DTWD2: variants seen among roughly 807,000 people sequenced by gnomAD.
DTWD2 encodes the protein DTW motif tRNA-uridine aminocarboxypropyltransferase 2, also known as tRNA-uridine aminocarboxypropyltransferase 2.
DTWD2 carries 39 observed loss-of-function variants against 31.8 expected under a neutral mutation model. That is an observed-to-expected ratio of 1.22 (90% CI 0.95 to 1.60). The LOEUF is 1.60. DTWD2 is among the 40% of genes most tolerant of loss of function. DTWD2 has a pLI of 0.00. For missense variants in DTWD2, 515 were observed against 381.5 expected, an observed-to-expected ratio of 1.35 and a Z score of -2.92; for synonymous variants, 180 against 142.8, an observed-to-expected ratio of 1.26 and a Z score of -1.86.
At chr5:118,863,703 G>C (rs1166654492) in intron 4 of DTWD2, among the ~76,000 whole-genome samples, 1 of 152,108 alleles carries the variant, frequency 6.6e-6, no homozygotes, top group Non-Finnish European at 1.5e-5. Context: ...AGGTAATTTT[G>C]GACATTCTCA....
chr5:118,945,912 A>G (rs1441839034), intron 1 of DTWD2, among the ~76,000 whole-genome samples: 1 of 152,210 alleles, frequency 6.6e-6, no homozygotes, highest in African/African-American at 2.4e-5. Flanking sequence ...AATAAATGTT[A>G]TATTAAAGGG....
intron 4 of DTWD2, among the ~76,000 whole-genome samples, chr5:118,873,749 C>A (rs1752561376): frequency 1.3e-5 from 2 of 152,182 alleles, no homozygotes; most frequent in African/African-American, 2.4e-5. Context: ...CTCCCACAAC[C>A]TTAGAGACAC....
intron 1 of DTWD2, among the ~76,000 whole-genome samples, chr5:118,985,490 T>TTATATCTATATATATATA (rs1554072599): frequency 1.0e-5 from 1 of 95,418 alleles, no homozygotes; most frequent in Admixed American, 1.2e-4. Context: ...ATGTGCATTT[T>TTATATCTATATATATATA]TATATATATA....
At chr5:118,929,504 T>C (rs953715491) in intron 3 of DTWD2, among the ~76,000 whole-genome samples, 1 of 150,424 alleles carries the variant, frequency 6.6e-6, no homozygotes, top group Non-Finnish European at 1.5e-5. Flanking sequence ...TTTTTTTTTG[T>C]CCACAAATTT....
chr5:118,970,093 G>A (rs888996918), intron 1 of DTWD2, among the ~76,000 whole-genome samples: 1 of 152,188 alleles, frequency 6.6e-6, no homozygotes, highest in African/African-American at 2.4e-5. Context: ...AGAGCTGTAA[G>A]ACTATCTTTC....
intron 4 of DTWD2, among the ~76,000 whole-genome samples, chr5:118,851,398 C>T (rs543914707): frequency 1.8e-4 from 27 of 151,348 alleles, no homozygotes; most frequent in African/African-American, 3.9e-4. Flanking sequence ...TCGGTAGGAC[C>T]GTGATGCCCA....
chr5:118,862,054 C>T (rs1429132510), intron 4 of DTWD2, among the ~76,000 whole-genome samples: 1 of 152,210 alleles, frequency 6.6e-6, no homozygotes, highest in African/African-American at 2.4e-5. Context: ...GGCATTACTG[C>T]CTGAGCTGTG....
At chr5:118,885,451 C>T (rs2149556896) in intron 4 of DTWD2, among the ~76,000 whole-genome samples, 1 of 117,986 alleles carries the variant, frequency 8.5e-6, no homozygotes, top group East Asian at 2.8e-4. Flanking sequence ...AGCAAGACTC[C>T]ACCTCAAAAA....
At chr5:118,966,791 A>C (rs936936562) in intron 1 of DTWD2, among the ~76,000 whole-genome samples, 1 of 152,132 alleles carries the variant, frequency 6.6e-6, no homozygotes, top group African/African-American at 2.4e-5. Context: ...GCACTTTGAG[A>C]GGCTGAGGTG....
intron 1 of DTWD2, among the ~76,000 whole-genome samples, chr5:118,948,389 G>C (rs1481714464): frequency 4.6e-5 from 7 of 152,204 alleles, no homozygotes; most frequent in Non-Finnish European, 1.5e-5. Flanking sequence ...GCTGAGGCCA[G>C]GGAATGGCAT....
In DTWD2 at chr5:118,836,602, T is replaced by C. The variant is rs1751574819; in HGVS notation, c.*4315A>G. Reference sequence around the variant, plus strand: ...TTCTCTAATATGCTTTTTAGTAGAGTACAGGAGTTGCTATGGTCTGAATAT... The same window carrying C: ...TTCTCTAATATGCTTTTTAGTAGAGCACAGGAGTTGCTATGGTCTGAATAT... On this transcript the variant is annotated 3_prime_UTR_variant, in exon 6 of 6. Transcript: ENST00000510708. Among the ~76,000 whole-genome samples, 2 of 152,192 alleles carry C rather than the reference T, an allele frequency of 1.3e-5. No individual in the cohort carries two copies. Among genetic ancestry groups the C allele is most frequent in the Non-Finnish European group, 2.9e-5 (2 of 68,024 alleles).
intron 2 of DTWD2, among the ~76,000 whole-genome samples, chr5:118,942,020 G>A (rs987463757): frequency 2.0e-5 from 3 of 152,088 alleles, no homozygotes; most frequent in African/African-American, 7.2e-5. Context: ...ACTTTTTGAT[G>A]GGGTTCTTTG....
intron 1 of DTWD2, among the ~76,000 whole-genome samples, chr5:118,956,105 A>C (rs1169941505): frequency 6.6e-6 from 1 of 152,234 alleles, no homozygotes; most frequent in Non-Finnish European, 1.5e-5. Context: ...AACTGGTAAC[A>C]ATAAGGCAAC....
chr5:118,893,232 T>C (rs1364532900), intron 4 of DTWD2, among the ~76,000 whole-genome samples: 1 of 151,496 alleles, frequency 6.6e-6, no homozygotes, highest in African/African-American at 2.4e-5. Context: ...AAAATTAGTA[T>C]GCTCCTGTGG....
At chr5:118,935,842 T>A (rs1754033594) in intron 3 of DTWD2, among the ~76,000 whole-genome samples, 2 of 152,206 alleles carry the variant, frequency 1.3e-5, no homozygotes, top group African/African-American at 2.4e-5. Flanking sequence ...AACATGCTCA[T>A]AAAATCAGTC....
chr5:118,848,163 T>A lies in DTWD2; in HGVS notation c.653A>T (p.Asn218Ile). ...SQYVIRMQPT[N>I]RCLSTLECAA... is the part of the protein sequence containing the mutation. ...ACACTCCAGTGTAGAAAGGCATCTA[T>A]TAGTCGGCTGCATCCGAATTACATA... The change falls in exon 5 of 6, where the codon AAT (asparagine) becomes ATT (isoleucine). Residue 218 changes from asparagine to isoleucine, a missense_variant. Physicochemically the swap from Asn to Ile is moderately radical, Grantham distance 149. Transcript: ENST00000510708. 1.2e-6 allele frequency: 2 copies of A among 1,607,564 alleles called. No homozygotes were observed. Among genetic ancestry groups the A allele is most frequent in the Non-Finnish European group, 1.7e-6 (2 of 1,177,160 alleles).
At chr5:118,983,024 C>A (rs1413728768) in intron 1 of DTWD2, among the ~76,000 whole-genome samples, 1 of 152,142 alleles carries the variant, frequency 6.6e-6, no homozygotes, top group Admixed American at 6.5e-5. Flanking sequence ...GATACTGATT[C>A]AACAGTTTCA....
At chr5:118,985,515 TATAC>T (rs879557787) in intron 1 of DTWD2, among the ~76,000 whole-genome samples, 15,070 of 131,980 alleles carry the variant, frequency 0.11, 994 homozygotes, top group Middle Eastern at 0.17. Flanking sequence ...TATATATATA[TATAC>T]ACACACATAT....
chr5:118,884,847 A>G (rs1037126331), intron 4 of DTWD2, among the ~76,000 whole-genome samples: 13 of 151,612 alleles, frequency 8.6e-5, no homozygotes, highest in African/African-American at 3.2e-4. Context: ...TCTACTTAAA[A>G]TACAAAAAAT....
Sources: gnomAD v4.1 joint callset for allele counts (sites outside exome capture counted in the v4.1 genomes callset) on GRCh38, gnomAD v4.1.1 for gene constraint, MANE v1.5 for transcripts, NCBI Gene and HGNC (gene_info 2026-07-23, HGNC 2026-07-21) for gene names.